MTHFD2L: variants seen among roughly 807,000 people sequenced by gnomAD.
MTHFD2L encodes bifunctional methylenetetrahydrofolate dehydrogenase/cyclohydrolase 2, mitochondrial.
In MTHFD2L, 29 loss-of-function variants were observed where a neutral mutation model predicts 34.9. The ratio of observed to expected loss-of-function variants is 0.83; its 90% CI spans 0.62 to 1.13. The LOEUF (loss-of-function observed/expected upper bound fraction) is 1.13, where lower values mean the gene tolerates loss of function less well. Ranked by LOEUF, MTHFD2L falls within the 50% of genes most tolerant of loss-of-function variation. The pLI is 0.00. For synonymous variants in MTHFD2L, 167 were observed against 155.7 expected (o/e 1.07, Z -0.54); for missense variants, 481 against 446.5 (o/e 1.08, Z -0.70).
At chr4:74,241,656 G>T in intron 6 of MTHFD2L, 1 of 416,680 alleles carries the variant, frequency 2.4e-6, no homozygotes, top group Non-Finnish European at 4.8e-6. Flanking sequence ...GAGATTACAG[G>T]CATGAGCCAC....
intron 5 of MTHFD2L, among the ~76,000 whole-genome samples, chr4:74,206,544 C>A (rs1307003462): frequency 6.6e-6 from 1 of 151,708 alleles, no homozygotes; most frequent in Admixed American, 6.6e-5. Flanking sequence ...TTTTTTAAGG[C>A]TAAGGAAAGT....
chr4:74,156,915 T>C (rs1724316709), upstream of MTHFD2L: 1 of 152,310 alleles, frequency 6.6e-6, no homozygotes, highest in Non-Finnish European at 1.5e-5. Flanking sequence ...TTTTCTTTAA[T>C]TGTTGAGTTT....
intron 6 of MTHFD2L, among the ~76,000 whole-genome samples, chr4:74,263,049 C>T (rs373808494): frequency 5.3e-5 from 8 of 151,960 alleles, no homozygotes; most frequent in African/African-American, 1.9e-4. Context: ...ATGTCAGTTA[C>T]ACCTTAGTAG....
At chr4:74,202,145 C>T (rs926769675) in intron 5 of MTHFD2L, among the ~76,000 whole-genome samples, 3 of 152,186 alleles carry the variant, frequency 2.0e-5, no homozygotes, top group African/African-American at 7.2e-5. Flanking sequence ...CTCAATCAGT[C>T]AGCAAGACTT....
intron 6 of MTHFD2L, among the ~76,000 whole-genome samples, chr4:74,231,903 T>C (rs947166517): frequency 5.3e-5 from 8 of 152,174 alleles, no homozygotes; most frequent in African/African-American, 1.7e-4. Flanking sequence ...TAAAGAATAT[T>C]TAACACTTCT....
intron 1 of MTHFD2L, among the ~76,000 whole-genome samples, chr4:74,145,490 A>T (rs557734445): frequency 2.6e-5 from 4 of 152,320 alleles, no homozygotes; most frequent in Non-Finnish European, 5.9e-5. Context: ...AGGGATGGCT[A>T]CACTTTCCAA....
chr4:74,266,547 C>T (rs935574502), intron 6 of MTHFD2L, among the ~76,000 whole-genome samples: 32 of 152,026 alleles, frequency 2.1e-4, no homozygotes, highest in African/African-American at 7.7e-4. Flanking sequence ...GGGATTTTGC[C>T]AGTTCTCCAA....
intron 1 of MTHFD2L, among the ~76,000 whole-genome samples, chr4:74,169,750 G>C (rs867747876): frequency 6.6e-6 from 1 of 152,072 alleles, no homozygotes; most frequent in Non-Finnish European, 1.5e-5. Flanking sequence ...GTGCCAAAAG[G>C]CTACTTAAAT....
chr4:74,261,702 T>C (rs1354157354), intron 6 of MTHFD2L, among the ~76,000 whole-genome samples: 2 of 152,068 alleles, frequency 1.3e-5, no homozygotes, highest in Non-Finnish European at 2.9e-5. Flanking sequence ...GTAATTATTA[T>C]TAGCATCCAC....
chr4:74,259,574 G>A (rs1744433410), intron 6 of MTHFD2L, among the ~76,000 whole-genome samples: 1 of 152,158 alleles, frequency 6.6e-6, no homozygotes, highest in South Asian at 2.1e-4. Context: ...AAAACAGAGA[G>A]CCCCATAGTT....
chr4:74,205,379 A>G (rs1331837726), intron 5 of MTHFD2L, among the ~76,000 whole-genome samples: 1 of 152,200 alleles, frequency 6.6e-6, no homozygotes, highest in African/African-American at 2.4e-5. Context: ...ATGACACTCA[A>G]TGTTGAGCAT....
chr4:74,288,242 G>A (rs1461012663), intron 7 of MTHFD2L: 1 of 152,190 alleles, frequency 6.6e-6, no homozygotes, highest in African/African-American at 2.4e-5. Flanking sequence ...CCACCTGAGT[G>A]TTGTCCTTAT....
chr4:74,190,521 C>A, intron 3 of MTHFD2L: 1 of 985,360 alleles, frequency 1.0e-6, no homozygotes, highest in Non-Finnish European at 1.2e-6. Context: ...TAGAGAACTC[C>A]TTCCAGTCTA....
upstream of MTHFD2L, among the ~76,000 whole-genome samples, chr4:74,118,979 T>C (rs1721703158): frequency 6.6e-6 from 1 of 152,138 alleles, no homozygotes; most frequent in Admixed American, 6.6e-5. Flanking sequence ...TGATGCTAGC[T>C]CTGAGGAGTG....
Position 74,225,382 on chromosome 4 carries a change from A to T in MTHFD2L, c.793A>T (p.Ile265Leu). ...TCATACGCAGCTGGCAGATATTATC[A>T]TAGTTGCTGCAGGTAAGTCCTTAGT... is the stretch of plus-strand genomic sequence containing the variant. ...KIHTQLADII[I>L]VAAGIPKLIT... is the part of the protein sequence containing the mutation. The change falls in exon 6 of 8, where the codon ATA becomes TTA. Residue 265 changes from isoleucine to leucine, a missense_variant. Coordinates refer to ENST00000325278, the MANE Select transcript of MTHFD2L (RefSeq NM_001144978.3). The T allele has an allele frequency of 1.2e-6, 2 of 1,612,804 alleles. No homozygotes were observed. Among genetic ancestry groups the T allele is most frequent in the Non-Finnish European group, 1.7e-6 (2 of 1,179,070 alleles).
At chr4:74,269,815 G>A (rs572011806) in intron 6 of MTHFD2L, among the ~76,000 whole-genome samples, 1 of 152,090 alleles carries the variant, frequency 6.6e-6, no homozygotes, top group Admixed American at 6.6e-5. Flanking sequence ...TCAAAAGTGT[G>A]ATAGTGCCTT....
chr4:74,129,674 C>G (rs1266132765), intron 1 of MTHFD2L, among the ~76,000 whole-genome samples: 2 of 151,920 alleles, frequency 1.3e-5, no homozygotes. Flanking sequence ...ATTAAGAGAA[C>G]TGGAGAAGCA....
At chr4:74,179,305 A>G (rs1729653466) in intron 3 of MTHFD2L, among the ~76,000 whole-genome samples, 1 of 152,062 alleles carries the variant, frequency 6.6e-6, no homozygotes, top group South Asian at 2.1e-4. Context: ...GTAACCACCA[A>G]GTTGCTGATC....
chr4:74,277,059 T>C (rs2110263077), intron 6 of MTHFD2L, among the ~76,000 whole-genome samples: 1 of 152,026 alleles, frequency 6.6e-6, no homozygotes, highest in African/African-American at 2.4e-5. Flanking sequence ...CCAAACACCA[T>C]GAGGACAGCA....
Sources: allele counts gnomAD v4.1 joint callset (sites outside exome capture counted in the v4.1 genomes callset), GRCh38; gene constraint gnomAD v4.1.1; transcripts MANE v1.5; gene names NCBI Gene and HGNC (gene_info 2026-07-23, HGNC 2026-07-21).